USP13: variants seen among roughly 807,000 people sequenced by gnomAD.
USP13 encodes the protein ubiquitin carboxyl-terminal hydrolase 13.
A neutral mutation model predicts 107.8 loss-of-function variants in USP13; 68 were observed. The ratio of observed to expected loss-of-function variants is 0.63; its 90% CI spans 0.52 to 0.77. The LOEUF (loss-of-function observed/expected upper bound fraction) is 0.77, where lower values mean the gene tolerates loss of function less well. Among genes scored for constraint, USP13 ranks in the 30% least tolerant of loss-of-function variants. USP13 has a pLI of 0.00. For missense variants in USP13, 945 were observed against 1,093.3 expected (o/e 0.86, Z 1.91); for synonymous variants, 377 against 389.5 (o/e 0.97, Z 0.38).
At chr3:179,775,132 C>A (rs543345854) in intron 19 of USP13, among the ~76,000 whole-genome samples, 18 of 151,480 alleles carry the variant, frequency 1.2e-4, no homozygotes, top group African/African-American at 3.9e-4. Context: ...AGATACAGTG[C>A]TGATTGGTGC....
chr3:179,691,541 G>A (rs1010373710), intron 3 of USP13, among the ~76,000 whole-genome samples: 1 of 152,128 alleles, frequency 6.6e-6, no homozygotes, highest in Non-Finnish European at 1.5e-5. Flanking sequence ...TGGTATCAGG[G>A]GTACATGATG....
intron 6 of USP13, among the ~76,000 whole-genome samples, chr3:179,712,366 T>A (rs1397917751): frequency 6.6e-6 from 1 of 152,166 alleles, no homozygotes; most frequent in Non-Finnish European, 1.5e-5. Flanking sequence ...TTTAGATAAA[T>A]CAATACAAAA....
chr3:179,743,148 C>T (rs1714260259), intron 12 of USP13, among the ~76,000 whole-genome samples: 2 of 152,090 alleles, frequency 1.3e-5, no homozygotes, highest in African/African-American at 4.8e-5. Flanking sequence ...CAAACTAACA[C>T]AGGAACAGAA....
intron 19 of USP13, among the ~76,000 whole-genome samples, chr3:179,766,049 G>A (rs547038951): frequency 2.6e-5 from 4 of 151,216 alleles, no homozygotes; most frequent in Non-Finnish European, 4.4e-5. Flanking sequence ...GCGCGATCTC[G>A]GCTCACTGCA....
chr3:179,670,323 C>T (rs1720713271), intron 1 of USP13, among the ~76,000 whole-genome samples: 2 of 152,160 alleles, frequency 1.3e-5, no homozygotes, highest in Non-Finnish European at 1.5e-5. Flanking sequence ...CATTAGGGCA[C>T]CACCCTTGCT....
chr3:179,758,561 C>A (rs565142645), intron 16 of USP13, among the ~76,000 whole-genome samples: 1 of 151,586 alleles, frequency 6.6e-6, no homozygotes, highest in East Asian at 2.0e-4. Context: ...TGCAGTGGCG[C>A]GATCTCGGCT....
chr3:179,756,907 G>A (rs1714824643), intron 15 of USP13, 145 bp from the exon 16 acceptor site: 8 of 750,684 alleles, frequency 1.1e-5, no homozygotes, highest in Non-Finnish European at 1.8e-5. Context: ...GGGGTGGTCT[G>A]CGTGTGGTTG....
intron 1 of USP13, among the ~76,000 whole-genome samples, chr3:179,680,213 AG>A (rs1560046072): frequency 2.6e-5 from 4 of 151,902 alleles, no homozygotes; most frequent in Non-Finnish European, 5.9e-5. Context: ...AAAGAAAGAG[AG>A]AGAGAGAGAA....
chr3:179,653,117 G>C lies in USP13; in HGVS notation c.-109G>C, dbSNP rs1474620433. The stretch of plus-strand genomic sequence containing the variant: ...GCCCGCCCCGGCTCGGCCGGCTGCC[G>C]TTGCCCGCGCAGCCCGCCCGTCAGC... On this transcript the variant is annotated 5_prime_UTR_variant, in exon 1 of 21. Coordinates refer to ENST00000263966, the MANE Select transcript of USP13 (RefSeq NM_003940.3). This position sits in a 1 kb window ranked among gnomAD's most constrained non-coding sequence, Gnocchi z 4.0. 1 of 943,732 alleles carries C rather than the reference G, an allele frequency of 1.1e-6. No homozygotes were observed. Among genetic ancestry groups the C allele is most frequent in the Non-Finnish European group, 1.3e-6 (1 of 792,428 alleles). 58.5% of individuals were successfully genotyped at this position (943,732 alleles called of 1,614,324 possible). A position where few individuals can be genotyped will look rare whatever the true frequency, so the allele number is the denominator to read the frequency against.
intron 10 of USP13, among the ~76,000 whole-genome samples, chr3:179,735,193 C>T (rs1031194350): frequency 3.3e-5 from 5 of 152,158 alleles, no homozygotes; most frequent in African/African-American, 7.2e-5. Context: ...TGTCTGAGAG[C>T]CAGCTCTCAA....
chr3:179,721,137 T>A lies in USP13; in HGVS notation c.901-265T>A, dbSNP rs1341535440. On this transcript the variant is annotated intron_variant, in intron 7 of 20. Transcript: ENST00000263966. The surrounding 1 kb of genome is among the most constrained non-coding windows in gnomAD (Gnocchi z 4.3). ...CTTTAAAATCTTTTTCATGTGTGTT[T>A]TAAAAATTGTGGTACAATATATATA... is the stretch of plus-strand genomic sequence containing the variant. Among the ~76,000 whole-genome samples, 1 of 152,182 alleles carries A rather than the reference T, an allele frequency of 6.6e-6. No homozygotes were observed. The highest frequency in any genetic ancestry group is 1.5e-5 in the Non-Finnish European group (1 of 68,026).
intron 1 of USP13, among the ~76,000 whole-genome samples, chr3:179,661,453 T>A (rs2108434234): frequency 6.9e-6 from 1 of 145,606 alleles, no homozygotes; most frequent in East Asian, 2.2e-4. Flanking sequence ...TACTATTTCA[T>A]AGATAGGATT....
At chr3:179,676,401 C>G (rs1720893496) in intron 1 of USP13, among the ~76,000 whole-genome samples, 1 of 152,056 alleles carries the variant, frequency 6.6e-6, no homozygotes, top group Non-Finnish European at 1.5e-5. Context: ...ACCATGCTTT[C>G]TTGGGTGGTG....
At chr3:179,733,840 C>T (rs1713893837) in intron 10 of USP13, among the ~76,000 whole-genome samples, 1 of 152,224 alleles carries the variant, frequency 6.6e-6, no homozygotes, top group African/African-American at 2.4e-5. Context: ...AACGGATGCA[C>T]AGAAGCCTTG....
chr3:179,782,132 C>T (rs1018037006), intron 20 of USP13, among the ~76,000 whole-genome samples: 3 of 152,006 alleles, frequency 2.0e-5, no homozygotes, highest in African/African-American at 7.2e-5. Flanking sequence ...TGGAACCTCC[C>T]TAGGATTGCC....
chr3:179,737,518 A>G (rs529576440), intron 10 of USP13, among the ~76,000 whole-genome samples: 2 of 152,346 alleles, frequency 1.3e-5, no homozygotes, highest in South Asian at 4.1e-4. Flanking sequence ...TATGTGATAT[A>G]TATCAGCACT....
Position 179,721,482 on chromosome 3 carries a change from G to A in USP13, c.981G>A (p.Leu327=), listed in dbSNP as rs1023231164. The A allele has an allele frequency of 4.3e-6, 7 of 1,614,082 alleles. No individual in the cohort carries two copies. In the African/African-American group the frequency reaches 8.0e-5, roughly 18 times the overall value. ...TGATCCAGGAGTCGGGCACGAAACTGAAGCCAATGTATGGTCCTGGCTACA... is the reference window on the plus strand; with the variant it reads ...TGATCCAGGAGTCGGGCACGAAACTAAAGCCAATGTATGGTCCTGGCTACA... ...WEVIQESGTK[L]KPMYGPGYTG... Residue 327 remains leucine (L), a synonymous_variant, in exon 8 of 21, where the codon CTG becomes CTA. Transcript: ENST00000263966. The surrounding 1 kb of genome is among the most constrained non-coding windows in gnomAD (Gnocchi z 4.3).
At chr3:179,709,769 AT>A (rs1348547893) in intron 6 of USP13, among the ~76,000 whole-genome samples, 1 of 152,136 alleles carries the variant, frequency 6.6e-6, no homozygotes, top group East Asian at 1.9e-4. Flanking sequence ...GGTCTTCTCC[AT>A]TTTCCCAGGC....
intron 3 of USP13, among the ~76,000 whole-genome samples, chr3:179,691,728 G>T (rs954350888): frequency 6.6e-6 from 1 of 152,150 alleles, no homozygotes. Flanking sequence ...TAGCATCAGT[G>T]GACCTTGCCT....
Sources: allele counts gnomAD v4.1 joint callset (sites outside exome capture counted in the v4.1 genomes callset), GRCh38; gene constraint gnomAD v4.1.1; non-coding constraint Gnocchi (gnomAD v3.1); transcripts MANE v1.5; gene names NCBI Gene and HGNC (gene_info 2026-07-23, HGNC 2026-07-21).